Variants in AMY2B observed in about 807,000 individuals in gnomAD.
AMY2B encodes the protein amylase alpha 2B, also known as alpha-amylase 2B.
AMY2B carries 63 observed loss-of-function variants against 59.3 expected under a neutral mutation model. The ratio of observed to expected loss-of-function variants is 1.06; its 90% CI spans 0.87 to 1.31. The LOEUF is 1.31. Ranked by LOEUF, AMY2B falls within the 50% of genes most tolerant of loss-of-function variation. The pLI, the probability that AMY2B is intolerant of heterozygous loss-of-function variation, is 0.00. For synonymous variants in AMY2B, 180 were observed against 198.1 expected (o/e 0.91, Z 0.77); for missense variants, 635 against 626.7 (o/e 1.01, Z -0.14).
At position 103,573,875 on chromosome 1, in the gene AMY2B, CA is replaced by C. The variant is rs1339002040; in HGVS notation, c.684del (p.Lys228AsnfsTer5). Reference protein sequence around the residue: ...WPGDIKAILDKLHNLNSNWFP... With the variant: ...WPGDIKAILDXLHNLNSNWFP... ...CTGGAGACATAAAGGCAATTTTGGA[CA>C]AACTGCATAATCTAAACAGTAACTG... On this transcript the variant is annotated frameshift_variant, in exon 4 of 10. Transcript: ENST00000684275. LOFTEE classifies it high-confidence loss of function. 6.2e-7 allele frequency: 1 copy of C among 1,613,664 alleles called. No homozygotes were observed. Among genetic ancestry groups the C allele is most frequent in the African/African-American group, 1.3e-5 (1 of 74,894 alleles).
intron 9 of AMY2B, among the ~76,000 whole-genome samples, chr1:103,578,915 G>C (rs1652468144): frequency 6.6e-6 from 1 of 152,144 alleles, no homozygotes; most frequent in African/African-American, 2.4e-5. Flanking sequence ...TGACGAGTTA[G>C]TGGGTGCAGC....
At chr1:103,576,829 G>A (rs1213689818) in intron 7 of AMY2B, among the ~76,000 whole-genome samples, 3 of 152,166 alleles carry the variant, frequency 2.0e-5, no homozygotes, top group Non-Finnish European at 4.4e-5. Context: ...AATTATGTAT[G>A]TTGATTAAAT....
rs1422654092 is a variant in AMY2B, at chr1:103,573,234, A to G, written c.487A>G (p.Ile163Val). The change falls in exon 3 of 10, where the codon ATC (isoleucine) becomes GTC (valine). Residue 163 changes from isoleucine (I) to valine (V), a missense_variant. Transcript: ENST00000684275. ...TAAATGTAAAACTGGAAGTGGAGAT[A>G]TCGAGAACTACAATGATGCTACTCA... ...DGKCKTGSGD[I>V]ENYNDATQVR... 6.2e-6 allele frequency: 10 copies of G among 1,613,658 alleles called. No homozygotes were observed. The highest frequency in any genetic ancestry group is 8.5e-6 in the Non-Finnish European group (10 of 1,179,628).
chr1:103,558,364 T>A (rs777563258), intron 1 of AMY2B, among the ~76,000 whole-genome samples: 12 of 152,194 alleles, frequency 7.9e-5, no homozygotes, highest in Non-Finnish European at 1.5e-4. Context: ...TCCTGATTGA[T>A]ACAGCCACAA....
chr1:103,568,047 C>G (rs1213553282), upstream of AMY2B, among the ~76,000 whole-genome samples: 2 of 152,288 alleles, frequency 1.3e-5, no homozygotes, highest in East Asian at 1.9e-4. Context: ...TGATTTTATA[C>G]TAGTTCTTAT....
chr1:103,572,984 T>A (rs572364766), intron 2 of AMY2B, 79 bp from the exon 3 acceptor site: 1 of 1,607,748 alleles, frequency 6.2e-7, no homozygotes, highest in Admixed American at 1.7e-5. Flanking sequence ...TTTATTAACA[T>A]ACTATAAACT....
At chr1:103,566,023 A>T (rs1217883802) in intron 2 of AMY2B, among the ~76,000 whole-genome samples, 1 of 152,048 alleles carries the variant, frequency 6.6e-6, no homozygotes, top group Non-Finnish European at 1.5e-5. Flanking sequence ...TACCTTTCCA[A>T]ATTTAACTGT....
At chr1:103,567,546 C>A (rs756096777), upstream of AMY2B, among the ~76,000 whole-genome samples, 1 of 152,140 alleles carries the variant, frequency 6.6e-6, no homozygotes, top group African/African-American at 2.4e-5. Context: ...CTGAAATATA[C>A]CTTGTCTATG....
intron 2 of AMY2B, among the ~76,000 whole-genome samples, chr1:103,566,465 A>G (rs1022356697): frequency 1.3e-5 from 2 of 152,216 alleles, no homozygotes; most frequent in African/African-American, 4.8e-5. Flanking sequence ...GTTTAGCCTA[A>G]TGTATCACAG....
upstream of AMY2B, chr1:103,571,253 A>T (rs1652119542): frequency 2.7e-6 from 2 of 730,128 alleles, no homozygotes; most frequent in African/African-American, 1.8e-5. Flanking sequence ...TAATTTATGT[A>T]AAGTTTTTTT....
intron 2 of AMY2B, among the ~76,000 whole-genome samples, chr1:103,566,074 T>C (rs542135042): frequency 4.0e-4 from 61 of 152,326 alleles, no homozygotes; most frequent in Admixed American, 2.8e-3. Flanking sequence ...AAACACTGTA[T>C]TGACTTCTTG....
chr1:103,577,271 T>C (rs1221482874), intron 7 of AMY2B: 7 of 957,102 alleles, frequency 7.3e-6, no homozygotes, highest in Non-Finnish European at 9.2e-6. Flanking sequence ...AGGATAACAA[T>C]TTGTTACCTT....
At chr1:103,567,042 G>T (rs1651932547), upstream of AMY2B, among the ~76,000 whole-genome samples, 1 of 152,026 alleles carries the variant, frequency 6.6e-6, no homozygotes, top group African/African-American at 2.4e-5. Context: ...CAAGTAAATT[G>T]TTAATTATAA....
At chr1:103,570,312 T>A (rs1047644846), upstream of AMY2B, 18 of 620,092 alleles carry the variant, frequency 2.9e-5, no homozygotes, top group Admixed American at 3.3e-4. Flanking sequence ...GCAATGAGGT[T>A]GCAGTGTCCC....
chr1:103,568,202 C>A (rs1461902762), upstream of AMY2B: 2 of 152,144 alleles, frequency 1.3e-5, no homozygotes, highest in Non-Finnish European at 2.9e-5. Context: ...CTGAACATCA[C>A]CTACAGTGCT....
chr1:103,574,286 T>G lies in AMY2B; in HGVS notation c.771T>G (p.Ile257Met). Residue 257 changes from isoleucine (I) to methionine (M), a missense_variant, in exon 5 of 10, where the codon ATT becomes ATG. Physicochemically the swap from Ile to Met is conservative, Grantham distance 10. Coordinates refer to ENST00000684275, the MANE Select transcript of AMY2B (RefSeq NM_001387437.1). ...QEVIDLGGEP[I>M]KSSDYFGNGR... ...TAATTGATCTGGGTGGTGAGCCAATTAAAAGCAGTGACTACTTTGGAAATG... is the reference window on the plus strand; with the variant it reads ...TAATTGATCTGGGTGGTGAGCCAATGAAAAGCAGTGACTACTTTGGAAATG... 1.9e-6 allele frequency: 3 copies of G among 1,611,804 alleles called. No homozygotes were observed. The highest frequency in any genetic ancestry group is 2.5e-6 in the Non-Finnish European group (3 of 1,179,714).
intron 1 of AMY2B, among the ~76,000 whole-genome samples, chr1:103,562,362 T>C (rs781713332): frequency 1.3e-5 from 2 of 152,198 alleles, no homozygotes; most frequent in African/African-American, 2.4e-5. Context: ...AACCTTTACA[T>C]TGCAACTTAT....
chr1:103,574,577 A>G (rs1357381164), intron 5 of AMY2B, among the ~76,000 whole-genome samples, 184 bp downstream of exon 5: 1 of 152,122 alleles, frequency 6.6e-6, no homozygotes, highest in Non-Finnish European at 1.5e-5. Flanking sequence ...GTCTATCACA[A>G]GTGAGTATGC....
chr1:103,559,188 G>A (rs552493566), intron 1 of AMY2B, among the ~76,000 whole-genome samples: 4 of 152,186 alleles, frequency 2.6e-5, no homozygotes, highest in South Asian at 4.2e-4. Context: ...GTCGTGCACC[G>A]CATATATGAT....
Sources: allele counts gnomAD v4.1 joint callset (sites outside exome capture counted in the v4.1 genomes callset), GRCh38; gene constraint gnomAD v4.1.1; transcripts MANE v1.5; gene names NCBI Gene and HGNC (gene_info 2026-07-23, HGNC 2026-07-21).